The following HIBADH variants were observed in gnomAD, a reference collection of about 807,000 sequenced individuals.
The protein encoded by HIBADH is 3-hydroxyisobutyrate dehydrogenase, also known as 3-hydroxyisobutyrate dehydrogenase, mitochondrial.
Under a neutral mutation model 36.1 loss-of-function variants are expected in HIBADH, and 25 were observed. That is an observed-to-expected ratio of 0.69 (90% CI 0.50 to 0.97). The LOEUF (loss-of-function observed/expected upper bound fraction) is 0.97. HIBADH is among the 50% of genes least tolerant of loss of function. The pLI is 0.00. For synonymous variants in HIBADH, 160 were observed against 149.5 expected, an observed-to-expected ratio of 1.07 and a Z score of -0.51; for missense variants, 421 against 418.0, an observed-to-expected ratio of 1.01 and a Z score of -0.06.
chr7:27,583,673 T>G (rs1328942600), intron 4 of HIBADH, among the ~76,000 whole-genome samples: 1 of 152,004 alleles, frequency 6.6e-6, no homozygotes, highest in African/African-American at 2.4e-5. Flanking sequence ...TTATTGGACA[T>G]TTGGGTTATT....
chr7:27,526,253 T>C lies in HIBADH; in HGVS notation c.972A>G (p.Ser324=), dbSNP rs149273596. The part of the protein sequence containing the change: ...CAKGYSKKDF[S]SVFQFLREEE... ...CCTCTCGTAGGAACTGGAACACGGA[T>C]GAGAAGTCTTTCTTTGAGTAGCCCT... is the stretch of plus-strand genomic sequence containing the variant. The change falls in exon 8 of 8, where the codon TCA becomes TCG. Residue 324 remains serine, a synonymous_variant. Coordinates refer to ENST00000265395, the MANE Select transcript of HIBADH (RefSeq NM_152740.4). 3.1e-6 allele frequency: 5 copies of C among 1,612,542 alleles called. No homozygotes were observed. The highest frequency in any genetic ancestry group is 4.2e-6 in the Non-Finnish European group (5 of 1,179,472).
At chr7:27,586,125 A>G (rs1319191932) in intron 4 of HIBADH, among the ~76,000 whole-genome samples, 1 of 152,240 alleles carries the variant, frequency 6.6e-6, no homozygotes, top group African/African-American at 2.4e-5. Context: ...AATACATTCA[A>G]TATAAATTAT....
At chr7:27,619,109 A>C (rs146798586) in intron 4 of HIBADH, among the ~76,000 whole-genome samples, 25 of 152,290 alleles carry the variant, frequency 1.6e-4, no homozygotes, top group African/African-American at 5.8e-4. Flanking sequence ...ACACTGGCCT[A>C]CCTGGCTTCC....
At chr7:27,528,156 T>C (rs1030546727) in intron 7 of HIBADH, among the ~76,000 whole-genome samples, 3 of 152,002 alleles carry the variant, frequency 2.0e-5, no homozygotes, top group Non-Finnish European at 2.9e-5. Flanking sequence ...GTGGTACACA[T>C]GTGTTCTGAC....
chr7:27,584,129 A>G (rs1784827342), intron 4 of HIBADH, among the ~76,000 whole-genome samples: 1 of 152,026 alleles, frequency 6.6e-6, no homozygotes, highest in South Asian at 2.1e-4. Flanking sequence ...ATAATTGTGG[A>G]TATCCTTCTT....
At chr7:27,594,460 T>A (rs1385363711) in intron 4 of HIBADH, among the ~76,000 whole-genome samples, 2 of 152,088 alleles carry the variant, frequency 1.3e-5, no homozygotes, top group Non-Finnish European at 2.9e-5. Flanking sequence ...AACTTTAAAG[T>A]CCTAGTAAGA....
intron 1 of HIBADH, among the ~76,000 whole-genome samples, chr7:27,654,598 G>A (rs1244035910): frequency 6.6e-6 from 1 of 152,024 alleles, no homozygotes; most frequent in Non-Finnish European, 1.5e-5. Context: ...TATCAAGCTA[G>A]AAATCTATAA....
intron 4 of HIBADH, among the ~76,000 whole-genome samples, chr7:27,545,005 C>T (rs1466745527): frequency 1.3e-5 from 2 of 152,222 alleles, no homozygotes; most frequent in Non-Finnish European, 2.9e-5. Flanking sequence ...TTATTTCCGA[C>T]TTCATCATAA....
chr7:27,578,459 C>T (rs1022449963), intron 4 of HIBADH, among the ~76,000 whole-genome samples: 4 of 151,990 alleles, frequency 2.6e-5, no homozygotes, highest in African/African-American at 4.8e-5. Context: ...AGATTACAGG[C>T]GCCCACCACC....
rs570113095 is a variant in HIBADH, at chr7:27,591,146, C to T, written c.484+38225G>A. On this transcript the variant is annotated intron_variant, in intron 4 of 7. Coordinates refer to ENST00000265395, the MANE Select transcript of HIBADH (RefSeq NM_152740.4). ...ATAAATTCAATTAGGTAAATGGGTA[C>T]GATCAAAACATCATTTAAAAAATAC... Among the ~76,000 whole-genome samples, 11 of 152,220 alleles carry T rather than the reference C, an allele frequency of 7.2e-5. No individual in the cohort carries two copies. The South Asian group carries it at 8.3e-4, about 11-fold the overall frequency.
chr7:27,625,443 A>G (rs1180062595), intron 4 of HIBADH, among the ~76,000 whole-genome samples: 2 of 152,084 alleles, frequency 1.3e-5, no homozygotes, highest in Non-Finnish European at 2.9e-5. Flanking sequence ...AAAATAAACT[A>G]CTGTTTAGAA....
chr7:27,650,229 T>C (rs1387929701), intron 1 of HIBADH, among the ~76,000 whole-genome samples: 3 of 151,218 alleles, frequency 2.0e-5, no homozygotes, highest in Non-Finnish European at 4.4e-5. Flanking sequence ...ATGGAAAAAC[T>C]TTTTACCTTC....
chr7:27,644,508 G>A (rs566089514), intron 2 of HIBADH, among the ~76,000 whole-genome samples: 1 of 150,594 alleles, frequency 6.6e-6, no homozygotes, highest in African/African-American at 2.4e-5. Flanking sequence ...TCTGAGACAG[G>A]AGAATTGCTT....
rs547091873 is a variant in HIBADH, at chr7:27,662,266, C to T, written c.91+432G>A. Among the ~76,000 whole-genome samples, 3 of 152,204 alleles carry T rather than the reference C, an allele frequency of 2.0e-5. No individual in the cohort carries two copies. The South Asian group carries it at 6.2e-4, about 32-fold the overall frequency. Reference sequence around the variant, plus strand: ...TGGTTAAACATCAGGCCCTGCTGCCCAAGTGTGTCCCCAACCCAAGGTGCA... The same window carrying T: ...TGGTTAAACATCAGGCCCTGCTGCCTAAGTGTGTCCCCAACCCAAGGTGCA... On this transcript the variant is annotated intron_variant, in intron 1 of 7. Coordinates refer to ENST00000265395, the MANE Select transcript of HIBADH (RefSeq NM_152740.4).
At position 27,556,761 on chromosome 7, in the gene HIBADH, C is replaced by T. The variant is rs190182394; in HGVS notation, c.485-13661G>A. On this transcript the variant is annotated intron_variant, in intron 4 of 7. Coordinates refer to ENST00000265395, the MANE Select transcript of HIBADH (RefSeq NM_152740.4). Reference sequence around the variant, plus strand: ...AACTCTGTCTCCCAGTCTGTCTGTTCTTGAACAAATATGATGCTGTTTTAA... The same window carrying T: ...AACTCTGTCTCCCAGTCTGTCTGTTTTTGAACAAATATGATGCTGTTTTAA... Among the ~76,000 whole-genome samples, 61 of 152,256 alleles carry T rather than the reference C, an allele frequency of 4.0e-4. No homozygotes were observed. The East Asian group carries it at 0.012, about 29-fold the overall frequency.
intron 4 of HIBADH, among the ~76,000 whole-genome samples, chr7:27,578,067 T>C (rs1047704113): frequency 1.3e-5 from 2 of 152,218 alleles, no homozygotes; most frequent in African/African-American, 4.8e-5. Context: ...AGAATGAACA[T>C]ATATAAATCA....
intron 4 of HIBADH, among the ~76,000 whole-genome samples, chr7:27,566,662 C>G (rs1784552981): frequency 6.6e-6 from 1 of 152,020 alleles, no homozygotes; most frequent in Non-Finnish European, 1.5e-5. Context: ...GACTCCTTTT[C>G]TAATACAAGC....
chr7:27,544,128 A>G (rs1045407631), intron 4 of HIBADH, among the ~76,000 whole-genome samples: 2 of 152,230 alleles, frequency 1.3e-5, no homozygotes, highest in Non-Finnish European at 2.9e-5. Flanking sequence ...GTATGTATCA[A>G]ATCTGGCCAT....
intron 6 of HIBADH, among the ~76,000 whole-genome samples, chr7:27,535,514 C>A (rs909365520): frequency 2.0e-5 from 3 of 152,022 alleles, no homozygotes; most frequent in Admixed American, 2.0e-4. Context: ...ACTTGTTATA[C>A]CACCAAAAAT....
Sources: gnomAD v4.1 joint callset for allele counts (sites outside exome capture counted in the v4.1 genomes callset) on GRCh38, gnomAD v4.1.1 for gene constraint, MANE v1.5 for transcripts, NCBI Gene and HGNC (gene_info 2026-07-23, HGNC 2026-07-21) for gene names.